The following DAB1 variants were observed in gnomAD, a reference collection of about 807,000 sequenced individuals.
The protein encoded by DAB1 is DAB adaptor protein 1.
Under a neutral mutation model 64.6 loss-of-function variants are expected in DAB1, and 15 were observed. The observed-to-expected ratio is 0.23, with a 90% CI of 0.16 to 0.36. The LOEUF (loss-of-function observed/expected upper bound fraction) is 0.36. DAB1 is among the 10% of genes least tolerant of loss of function. The pLI, the probability that DAB1 is intolerant of heterozygous loss-of-function variation, is 1.00. For missense variants in DAB1, 596 were observed against 706.7 expected (o/e 0.84, Z 1.78); for synonymous variants, 235 against 251.9 (o/e 0.93, Z 0.64).
chr1:57,773,384 C>A (rs1013508706), intron 6 of DAB1, among the ~76,000 whole-genome samples: 1 of 151,258 alleles, frequency 6.6e-6, no homozygotes, highest in East Asian at 1.9e-4. Flanking sequence ...CAGACACGTA[C>A]ACACAAACAC....
intron 1 of DAB1, among the ~76,000 whole-genome samples, chr1:57,405,791 T>C (rs144010255): frequency 2.0e-5 from 3 of 152,200 alleles, no homozygotes; most frequent in Admixed American, 2.0e-4. Flanking sequence ...CATTAAATTA[T>C]ACCGTACCTG....
At chr1:57,511,937 A>G (rs1644410169) in intron 7 of DAB1, among the ~76,000 whole-genome samples, 1 of 152,184 alleles carries the variant, frequency 6.6e-6, no homozygotes, top group Non-Finnish European at 1.5e-5. Context: ...CACTAGTGAT[A>G]ATAACAATCA....
At chr1:58,397,444 G>A (rs1158415023) in intron 3 of DAB1, among the ~76,000 whole-genome samples, 1 of 152,182 alleles carries the variant, frequency 6.6e-6, no homozygotes, top group Non-Finnish European at 1.5e-5. Context: ...ACATACTCCA[G>A]GGCTCAGACC....
At chr1:57,704,675 G>A (rs1207745288) in intron 6 of DAB1, among the ~76,000 whole-genome samples, 6 of 152,160 alleles carry the variant, frequency 3.9e-5, no homozygotes. Flanking sequence ...GCCAACTCCA[G>A]AAAGTAATGT....
chr1:58,300,607 A>AG (rs1395004897), intron 4 of DAB1, among the ~76,000 whole-genome samples: 5 of 36,668 alleles, frequency 1.4e-4, no homozygotes, highest in African/African-American at 4.4e-4. Context: ...AAAGAAAGAA[A>AG]GAAAGAGAGA....
intron 5 of DAB1, among the ~76,000 whole-genome samples, chr1:58,072,102 T>C (rs1570313731): frequency 7.1e-6 from 1 of 141,804 alleles, no homozygotes; most frequent in Admixed American, 7.1e-5. Flanking sequence ...GGGTGGGTAG[T>C]AGGGAAGGTT....
At chr1:57,756,643 A>G (rs987286492) in intron 6 of DAB1, among the ~76,000 whole-genome samples, 2 of 151,996 alleles carry the variant, frequency 1.3e-5, no homozygotes, top group African/African-American at 4.8e-5. Flanking sequence ...TGAGAAGTCC[A>G]GTTATGAGGC....
At chr1:57,664,879 G>A (rs1257398344) in intron 6 of DAB1, among the ~76,000 whole-genome samples, 1 of 151,994 alleles carries the variant, frequency 6.6e-6, no homozygotes, top group Non-Finnish European at 1.5e-5. Context: ...ACTTAAGTAT[G>A]TAAGAAAAAG....
intron 7 of DAB1, among the ~76,000 whole-genome samples, chr1:57,614,910 G>A (rs1372819192): frequency 8.4e-5 from 10 of 119,370 alleles, no homozygotes; most frequent in African/African-American, 1.3e-4. Context: ...TCGCTCTGTC[G>A]CCCAGGCTAG....
intron 5 of DAB1, among the ~76,000 whole-genome samples, chr1:57,918,755 C>G (rs1330457350): frequency 2.0e-5 from 3 of 151,954 alleles, no homozygotes; most frequent in Non-Finnish European, 4.4e-5. Flanking sequence ...ACCCAGGAGG[C>G]AGAGCTTGCG....
intron 2 of DAB1, among the ~76,000 whole-genome samples, chr1:57,270,627 TG>T (rs2100588326): frequency 6.6e-6 from 1 of 152,362 alleles, no homozygotes; most frequent in African/African-American, 2.4e-5. Flanking sequence ...CTTCATTATT[TG>T]TCCATTCACT....
intron 7 of DAB1, among the ~76,000 whole-genome samples, chr1:57,591,582 G>A (rs952710465): frequency 2.6e-5 from 4 of 152,186 alleles, no homozygotes; most frequent in African/African-American, 9.7e-5. Context: ...TGCCAACTAA[G>A]TGGATAAATC....
At chr1:57,118,829 T>G (rs1656379878) in intron 4 of DAB1, among the ~76,000 whole-genome samples, 1 of 152,180 alleles carries the variant, frequency 6.6e-6, no homozygotes, top group African/African-American at 2.4e-5. Flanking sequence ...CTATAACTGT[T>G]TCCATTGTCT....
At chr1:57,836,325 T>C (rs559887962) in intron 1 of DAB1, among the ~76,000 whole-genome samples, 2 of 152,328 alleles carry the variant, frequency 1.3e-5, no homozygotes, top group Admixed American at 6.5e-5. Flanking sequence ...TCCATGCCTA[T>C]ATAGTTTCCA....
intron 7 of DAB1, among the ~76,000 whole-genome samples, chr1:57,495,575 G>C (rs1292441019): frequency 2.0e-5 from 3 of 152,190 alleles, no homozygotes; most frequent in Non-Finnish European, 2.9e-5. Context: ...AATGATGGCT[G>C]ACTGCCAGTC....
At chr1:58,247,059 G>A (rs1157513951) in intron 4 of DAB1, among the ~76,000 whole-genome samples, 1 of 152,086 alleles carries the variant, frequency 6.6e-6, no homozygotes, top group Non-Finnish European at 1.5e-5. Flanking sequence ...GGAGTAACAC[G>A]ATCAAAGCCA....
intron 3 of DAB1, among the ~76,000 whole-genome samples, chr1:58,433,271 AG>A (rs1644899563): frequency 6.6e-6 from 1 of 152,128 alleles, no homozygotes; most frequent in South Asian, 2.1e-4. Flanking sequence ...TAAGAGGGTC[AG>A]AAGTGTGGGA....
intron 2 of DAB1, among the ~76,000 whole-genome samples, chr1:57,235,128 A>G (rs1445798696): frequency 6.6e-6 from 1 of 152,190 alleles, no homozygotes; most frequent in Admixed American, 6.5e-5. Flanking sequence ...CCATTTGGAA[A>G]GTTTTGCCTA....
chr1:57,908,358 C>A (rs1316626495), intron 5 of DAB1, among the ~76,000 whole-genome samples: 1 of 152,064 alleles, frequency 6.6e-6, no homozygotes, highest in Non-Finnish European at 1.5e-5. Flanking sequence ...CCACTGATGT[C>A]CTTTTCAACA....
Sources: allele counts gnomAD v4.1 joint callset (sites outside exome capture counted in the v4.1 genomes callset), GRCh38; gene constraint gnomAD v4.1.1; transcripts MANE v1.5; gene names NCBI Gene and HGNC (gene_info 2026-07-23, HGNC 2026-07-21).